ABI3BP: variants seen among roughly 807,000 people sequenced by gnomAD.
ABI3BP encodes the protein ABI family member 3 binding protein.
A neutral mutation model predicts 268.6 loss-of-function variants in ABI3BP; 216 were observed. The ratio of observed to expected loss-of-function variants is 0.80; its 90% CI spans 0.72 to 0.90. The LOEUF (loss-of-function observed/expected upper bound fraction) is 0.90, where lower values mean the gene tolerates loss of function less well. Among genes scored for constraint, ABI3BP ranks in the 40% least tolerant of loss-of-function variants. The pLI is 0.00. For missense variants in ABI3BP, 2,090 were observed against 2,182.4 expected, an observed-to-expected ratio of 0.96 and a Z score of 0.84; for synonymous variants, 730 against 730.0, an observed-to-expected ratio of 1.00 and a Z score of 0.00.
At chr3:100,943,342 C>T (rs2070419164) in intron 1 of ABI3BP, among the ~76,000 whole-genome samples, 1 of 152,030 alleles carries the variant, frequency 6.6e-6, no homozygotes, top group African/African-American at 2.4e-5. Context: ...CAGTACTCTT[C>T]ACCCCCAAAC....
At chr3:100,975,828 A>G (rs753103877) in intron 1 of ABI3BP, among the ~76,000 whole-genome samples, 21 of 152,020 alleles carry the variant, frequency 1.4e-4, no homozygotes, top group Non-Finnish European at 2.6e-4. Flanking sequence ...CCTGAAATAT[A>G]AAAAAACCCT....
At chr3:100,860,026 C>A (rs578037644) in intron 14 of ABI3BP, among the ~76,000 whole-genome samples, 1 of 152,094 alleles carries the variant, frequency 6.6e-6, no homozygotes, top group Non-Finnish European at 1.5e-5. Context: ...GAGCCGAGAT[C>A]GCACCCATCG....
chr3:100,779,538 TG>T, intron 58 of ABI3BP, among the ~76,000 whole-genome samples: 1 of 152,324 alleles, frequency 6.6e-6, no homozygotes, highest in Admixed American at 6.5e-5. Context: ...TAACATATGT[TG>T]GTTTTAAAAT....
chr3:100,782,184 T>C (rs1046791245), intron 57 of ABI3BP, among the ~76,000 whole-genome samples: 3 of 152,208 alleles, frequency 2.0e-5, no homozygotes, highest in African/African-American at 4.8e-5. Flanking sequence ...TGTGTGGGAC[T>C]CAGAAGGTAG....
At chr3:100,859,701 G>C (rs1233880179) in intron 14 of ABI3BP, among the ~76,000 whole-genome samples, 1 of 152,138 alleles carries the variant, frequency 6.6e-6, no homozygotes, top group African/African-American at 2.4e-5. Flanking sequence ...ACGTAAGTTA[G>C]GAAGATGCCA....
At chr3:100,882,796 T>C (rs2040049044) in intron 6 of ABI3BP, among the ~76,000 whole-genome samples, 1 of 152,060 alleles carries the variant, frequency 6.6e-6, no homozygotes, top group South Asian at 2.1e-4. Flanking sequence ...AAATACAAAT[T>C]ACTGGGATAT....
At chr3:100,886,447 C>A in intron 4 of ABI3BP, 124 bp from the exon 5 acceptor site, 4 of 641,308 alleles carry the variant, frequency 6.2e-6, no homozygotes, top group East Asian at 3.4e-5. Context: ...GCTTCTCTTC[C>A]GATTTTTAAA....
At chr3:100,961,220 C>T (rs2078987536) in intron 1 of ABI3BP, among the ~76,000 whole-genome samples, 1 of 152,222 alleles carries the variant, frequency 6.6e-6, no homozygotes, top group Non-Finnish European at 1.5e-5. Context: ...TACCTCACCC[C>T]AGCTGCTCAC....
chr3:100,933,233 G>C (rs895236988), intron 1 of ABI3BP, among the ~76,000 whole-genome samples: 33 of 151,908 alleles, frequency 2.2e-4, no homozygotes, highest in Non-Finnish European at 4.4e-4. Flanking sequence ...ATTCTAAATA[G>C]CACATATAGA....
Position 100,829,593 on chromosome 3 carries a change from G to A in ABI3BP, c.2530C>T (p.Gln844Ter). The stretch of plus-strand genomic sequence containing the variant: ...CCTACAAATTTACCCAGTTCAGTCT[G>A]AAGCTCTTCGGGACTCAGTGTGGTT... ...PKTTLSPEEL[Q>*]TELVPATIFE... is the part of the protein sequence containing the mutation. Residue 844 changes from glutamine (Q) to a stop codon, truncating the protein, a stop_gained, in exon 33 of 68, where the codon CAG becomes TAG. Transcript: ENST00000471714. LOFTEE classifies it high-confidence loss of function. The A allele has an allele frequency of 6.5e-7, 1 of 1,535,516 alleles. No homozygotes were observed. The highest frequency in any genetic ancestry group is 8.7e-7 in the Non-Finnish European group (1 of 1,146,324).
At chr3:100,854,096 A>ATCCAAAC (rs1312353456) in intron 14 of ABI3BP, among the ~76,000 whole-genome samples, 3 of 151,954 alleles carry the variant, frequency 2.0e-5, no homozygotes, top group Non-Finnish European at 2.9e-5. Flanking sequence ...CATGTCTGTA[A>ATCCAAAC]TCCAAACACT....
intron 44 of ABI3BP, among the ~76,000 whole-genome samples, chr3:100,815,380 T>G (rs777675411): frequency 3.9e-5 from 6 of 152,130 alleles, no homozygotes; most frequent in Non-Finnish European, 8.8e-5. Flanking sequence ...GGATTCCTAC[T>G]TAGCGAAGAT....
chr3:100,953,224 A>T lies in ABI3BP; in HGVS notation c.80-26743T>A, dbSNP rs2075715094. ...CATTTTTATAATTACCAACCTCATTACCTTTCCAATCCACCCTTCCCACTA... is the reference window on the plus strand; with the variant it reads ...CATTTTTATAATTACCAACCTCATTTCCTTTCCAATCCACCCTTCCCACTA... On this transcript the variant is annotated intron_variant, in intron 1 of 67. Coordinates refer to ENST00000471714, the MANE Select transcript of ABI3BP (RefSeq NM_001375547.2). Among the ~76,000 whole-genome samples, 2 of 152,106 alleles carry T rather than the reference A, an allele frequency of 1.3e-5. 1 individual carries two copies. The highest frequency in any genetic ancestry group is 4.1e-4 in the South Asian group (2 of 4,824).
intron 29 of ABI3BP, among the ~76,000 whole-genome samples, chr3:100,834,242 C>T (rs571034491): frequency 1.3e-5 from 2 of 152,276 alleles, no homozygotes; most frequent in East Asian, 1.9e-4. Flanking sequence ...ATGTGCCTAA[C>T]AGTTGGTAAA....
chr3:100,922,217 A>G (rs2060437081), intron 2 of ABI3BP, among the ~76,000 whole-genome samples: 1 of 152,216 alleles, frequency 6.6e-6, no homozygotes, highest in African/African-American at 2.4e-5. Flanking sequence ...TATCTGTGAA[A>G]AATACATCCA....
intron 1 of ABI3BP, among the ~76,000 whole-genome samples, chr3:100,951,184 T>C (rs1399384215): frequency 2.6e-5 from 4 of 151,884 alleles, no homozygotes; most frequent in Non-Finnish European, 5.9e-5. Context: ...CCATAACTCC[T>C]CTCTAGCATT....
intron 14 of ABI3BP, among the ~76,000 whole-genome samples, chr3:100,855,001 A>G (rs769202193): frequency 6.6e-6 from 1 of 151,716 alleles, no homozygotes; most frequent in Non-Finnish European, 1.5e-5. Context: ...ATCTCAGCTC[A>G]CTGCAACCTC....
chr3:100,881,106 G>A (rs1220681749), intron 6 of ABI3BP, among the ~76,000 whole-genome samples: 5 of 152,162 alleles, frequency 3.3e-5, no homozygotes, highest in Admixed American at 6.5e-5. Flanking sequence ...TCAATCTAAT[G>A]TCCTACTTTC....
chr3:100,796,992 A>T (rs1347916762), intron 51 of ABI3BP, among the ~76,000 whole-genome samples: 1 of 152,096 alleles, frequency 6.6e-6, no homozygotes, highest in Non-Finnish European at 1.5e-5. Context: ...GGAGAAAATG[A>T]AGCAAAAGGA....
Sources: allele counts gnomAD v4.1 joint callset (sites outside exome capture counted in the v4.1 genomes callset), GRCh38; gene constraint gnomAD v4.1.1; transcripts MANE v1.5; gene names NCBI Gene and HGNC (gene_info 2026-07-23, HGNC 2026-07-21).